Variants in PPP1R17 observed in about 807,000 individuals in gnomAD.
PPP1R17 encodes the protein G-substrate.
A neutral mutation model predicts 15.9 loss-of-function variants in PPP1R17; 12 were observed. The ratio of observed to expected loss-of-function variants is 0.75; its 90% CI spans 0.48 to 1.22. PPP1R17 has a LOEUF of 1.22. Among genes scored for constraint, PPP1R17 ranks in the 50% most tolerant of loss-of-function variants. The probability of loss-of-function intolerance (pLI) is 0.00; values close to 1 mark genes in which losing one functional copy is unlikely to be tolerated. For missense variants in PPP1R17, 211 were observed against 187.3 expected (o/e 1.13, Z -0.74); for synonymous variants, 63 against 64.5 (o/e 0.98, Z 0.11).
At chr7:31,697,342 T>A (rs1353058556) in intron 4 of PPP1R17, among the ~76,000 whole-genome samples, 1 of 152,164 alleles carries the variant, frequency 6.6e-6, no homozygotes, top group Non-Finnish European at 1.5e-5. Flanking sequence ...GCATTACTCA[T>A]GCCTCAGCAG....
intron 1 of PPP1R17, among the ~76,000 whole-genome samples, chr7:31,689,282 A>G (rs1348648252): frequency 6.6e-6 from 1 of 152,242 alleles, no homozygotes. Context: ...ACAGTTTATG[A>G]AAACACCCCC....
At chr7:31,695,120 G>A (rs1792523886) in intron 2 of PPP1R17, among the ~76,000 whole-genome samples, 1 of 148,736 alleles carries the variant, frequency 6.7e-6, no homozygotes, top group Non-Finnish European at 1.5e-5. Context: ...CAAAAAGAAT[G>A]GAGGCGCGTT....
chr7:31,695,227 T>A (rs1421130263), intron 2 of PPP1R17, among the ~76,000 whole-genome samples: 1 of 152,222 alleles, frequency 6.6e-6, no homozygotes, highest in African/African-American at 2.4e-5. Flanking sequence ...GCCTCGGTGA[T>A]CCATCCATTT....
intron 2 of PPP1R17, 35 bp downstream of exon 2, chr7:31,692,558 G>T: frequency 1.3e-6 from 2 of 1,549,282 alleles, no homozygotes; most frequent in Non-Finnish European, 1.8e-6. Context: ...GTCAGTGGTG[G>T]AAGTCAGAGA....
intron 4 of PPP1R17, among the ~76,000 whole-genome samples, chr7:31,697,418 G>T (rs1474243842): frequency 6.6e-6 from 1 of 152,222 alleles, no homozygotes; most frequent in East Asian, 1.9e-4. Flanking sequence ...GAGCTGGAAT[G>T]CCCTCCTCCC....
chr7:31,697,163 G>C, intron 4 of PPP1R17, 46 bp downstream of exon 4: 2 of 1,597,162 alleles, frequency 1.3e-6, no homozygotes, highest in Non-Finnish European at 8.5e-7. Flanking sequence ...ATGGGGACAG[G>C]TCAAGAACCT....
intron 1 of PPP1R17, among the ~76,000 whole-genome samples, chr7:31,687,725 C>T (rs955627901): frequency 7.9e-5 from 12 of 152,264 alleles, no homozygotes; most frequent in South Asian, 6.2e-4. Flanking sequence ...TTTTAAAAGA[C>T]GGTACTTTTT....
chr7:31,701,439 A>C (rs1199798790), intron 4 of PPP1R17, among the ~76,000 whole-genome samples: 1 of 152,250 alleles, frequency 6.6e-6, no homozygotes, highest in Non-Finnish European at 1.5e-5. Flanking sequence ...TCAGCAAAGA[A>C]AATGGTTTCT....
intron 1 of PPP1R17, among the ~76,000 whole-genome samples, chr7:31,690,479 A>C (rs1270066447): frequency 6.6e-6 from 1 of 152,240 alleles, no homozygotes; most frequent in Admixed American, 6.5e-5. Flanking sequence ...TTATTGTAGC[A>C]GACTTAACTT....
At chr7:31,690,391 C>T (rs1350509391) in intron 1 of PPP1R17, among the ~76,000 whole-genome samples, 5 of 152,302 alleles carry the variant, frequency 3.3e-5, no homozygotes, top group African/African-American at 1.2e-4. Context: ...TCAGGGTAAG[C>T]TCGGGGGACA....
intron 1 of PPP1R17, among the ~76,000 whole-genome samples, 179 bp downstream of exon 1, chr7:31,687,485 G>A (rs962985876): frequency 6.6e-6 from 1 of 152,220 alleles, no homozygotes; most frequent in African/African-American, 2.4e-5. Context: ...ATTCTTCCAA[G>A]GGAGGGAATG....
intron 4 of PPP1R17, among the ~76,000 whole-genome samples, chr7:31,704,948 G>A (rs550487109): frequency 1.3e-5 from 2 of 152,144 alleles, no homozygotes; most frequent in Non-Finnish European, 2.9e-5. Flanking sequence ...GAATGCAGTC[G>A]TGACATGTAG....
chr7:31,701,932 G>C lies in PPP1R17; in HGVS notation c.388+4815G>C, dbSNP rs540651778. Among the ~76,000 whole-genome samples the C allele has an allele frequency of 4.6e-5, 7 of 152,312 alleles. No homozygotes were observed. The East Asian group carries it at 1.3e-3, about 29-fold the overall frequency. Reference sequence around the variant, plus strand: ...TGTGCAATGGGAAACCAAAAAATTTGTATGGCTCTGTTTATTGTGATACTT... The same window carrying C: ...TGTGCAATGGGAAACCAAAAAATTTCTATGGCTCTGTTTATTGTGATACTT... On this transcript the variant is annotated intron_variant, in intron 4 of 4. Coordinates refer to ENST00000342032, the MANE Select transcript of PPP1R17 (RefSeq NM_006658.5).
intron 1 of PPP1R17, among the ~76,000 whole-genome samples, chr7:31,691,667 G>A (rs1792348808): frequency 6.6e-6 from 1 of 151,746 alleles, no homozygotes; most frequent in African/African-American, 2.4e-5. Context: ...TCTCATGTCT[G>A]GAATCCCTAG....
intron 1 of PPP1R17, among the ~76,000 whole-genome samples, chr7:31,690,538 T>G (rs1370675349): frequency 6.6e-6 from 1 of 152,240 alleles, no homozygotes; most frequent in Admixed American, 6.5e-5. Context: ...CCCCATTTAC[T>G]CTCACTACAT....
At chr7:31,694,387 A>C (rs368966643) in intron 2 of PPP1R17, among the ~76,000 whole-genome samples, 5,116 of 141,496 alleles carry the variant, frequency 0.036, 315 homozygotes, top group African/African-American at 0.12. Flanking sequence ...CTCTCTCTCA[A>C]ACACACACAC....
intron 1 of PPP1R17, 79 bp downstream of exon 1, chr7:31,687,385 G>A (rs1224157112): frequency 1.3e-5 from 2 of 152,300 alleles, no homozygotes; most frequent in Non-Finnish European, 2.9e-5. Context: ...GGACAAAGAA[G>A]GCTGTAGCTG....
intron 2 of PPP1R17, among the ~76,000 whole-genome samples, chr7:31,695,052 G>A (rs779668592): frequency 1.3e-5 from 2 of 152,156 alleles, no homozygotes; most frequent in Non-Finnish European, 2.9e-5. Flanking sequence ...TTCTAAGATC[G>A]AGGGAGATTT....
At chr7:31,699,075 T>A (rs966381540) in intron 4 of PPP1R17, among the ~76,000 whole-genome samples, 1 of 152,192 alleles carries the variant, frequency 6.6e-6, no homozygotes, top group Non-Finnish European at 1.5e-5. Context: ...GTGGGAGAGA[T>A]AATTAAATAT....
Sources: gnomAD v4.1 joint callset for allele counts (sites outside exome capture counted in the v4.1 genomes callset) on GRCh38, gnomAD v4.1.1 for gene constraint, MANE v1.5 for transcripts, NCBI Gene and HGNC (gene_info 2026-07-23, HGNC 2026-07-21) for gene names.